The following LRP8 variants were observed in gnomAD, a reference collection of about 807,000 sequenced individuals.
The protein encoded by LRP8 is low-density lipoprotein receptor-related protein 8.
LRP8 carries 46 observed loss-of-function variants against 111.6 expected under a neutral mutation model. The observed-to-expected ratio is 0.41, with a 90% CI of 0.33 to 0.53. LRP8 has a LOEUF of 0.53. LRP8 is among the 20% of genes least tolerant of loss of function. LRP8 has a pLI of 0.20. For missense variants in LRP8, 959 were observed against 1,297.4 expected (o/e 0.74, Z 4.01); for synonymous variants, 464 against 511.2 (o/e 0.91, Z 1.24).
intron 3 of LRP8, 85 bp downstream of exon 3, chr1:53,289,482 C>T: frequency 2.0e-6 from 3 of 1,500,238 alleles, no homozygotes; most frequent in Non-Finnish European, 2.7e-6. Context: ...AACTGGTTAC[C>T]TCTCCTGAGC....
At chr1:53,315,580 A>G (rs1454543904) in intron 2 of LRP8, among the ~76,000 whole-genome samples, 10 of 152,172 alleles carry the variant, frequency 6.6e-5, no homozygotes, top group Non-Finnish European at 1.5e-4. Flanking sequence ...GCGGCCTGGT[A>G]GGGCCCTGCT....
intron 2 of LRP8, among the ~76,000 whole-genome samples, chr1:53,312,902 CA>C (rs1653268472): frequency 6.6e-6 from 1 of 152,200 alleles, no homozygotes; most frequent in Non-Finnish European, 1.5e-5. Flanking sequence ...AAGCACATGG[CA>C]ATGCTGACGT....
Position 53,279,913 on chromosome 1 carries a change from T to C in LRP8, c.496+674A>G, listed in dbSNP as rs898335741. ...CCCCTCGAATTGAAAAAGTGAGGCC[T>C]GGCCATGCTCCCCAATGGCCCAGGC... On this transcript the variant is annotated intron_variant, in intron 4 of 18. Coordinates refer to ENST00000306052, the MANE Select transcript of LRP8 (RefSeq NM_004631.5). The surrounding 1 kb of genome is among the most constrained non-coding windows in gnomAD (Gnocchi z 4.4). Among the ~76,000 whole-genome samples, 1 of 152,224 alleles carries C rather than the reference T, an allele frequency of 6.6e-6. No homozygotes were observed.
intron 18 of LRP8, among the ~76,000 whole-genome samples, chr1:53,247,277 C>T (rs958332749): frequency 2.6e-5 from 4 of 152,198 alleles, no homozygotes; most frequent in African/African-American, 9.7e-5. Flanking sequence ...AGTGGCTGAA[C>T]TAAAATTTGA....
In LRP8 at chr1:53,255,193, A is replaced by T; in HGVS notation, c.2435-8T>A. On this transcript the variant is annotated splice_region_variant and splice_polypyrimidine_tract_variant and intron_variant, in intron 15 of 18. Coordinates refer to ENST00000306052, the MANE Select transcript of LRP8 (RefSeq NM_004631.5). ...TACTGTCTTCATTTGCATCTGCAAA[A>T]CACAAACATTTGCAGAATGATGCTC... 6.2e-7 allele frequency: 1 copy of T among 1,612,646 alleles called. No individual in the cohort carries two copies. Among genetic ancestry groups the T allele is most frequent in the Non-Finnish European group, 8.5e-7 (1 of 1,179,482 alleles).
chr1:53,276,580 C>T (rs1346022143), intron 5 of LRP8, 112 bp downstream of exon 5: 1 of 829,626 alleles, frequency 1.2e-6, no homozygotes, highest in Non-Finnish European at 1.7e-6. Flanking sequence ...GTAGTAAACC[C>T]GGGTAATGTA....
At position 53,258,387 on chromosome 1, in the gene LRP8, G is replaced by A; in HGVS notation, c.2141C>T (p.Ser714Phe). Reference sequence around the variant, plus strand: ...AGGACAGGCACATGTGTACTTGGGAGAGTGGCTGGAGATCTGAGGAGCAGG... The same window carrying A: ...AGGACAGGCACATGTGTACTTGGGAAAGTGGCTGGAGATCTGAGGAGCAGG... The part of the protein sequence containing the change: ...CLPAPQISSH[S>F]PKYTCACPDT... Residue 714 changes from serine (S) to phenylalanine (F), a missense_variant, in exon 14 of 19, where the codon TCT (serine) becomes TTT (phenylalanine). Around this residue, in one of 3 missense-constraint regions of LRP8, gnomAD observed 819 missense variants for 1,097.6 expected, o/e 0.75. Coordinates refer to ENST00000306052, the MANE Select transcript of LRP8 (RefSeq NM_004631.5). 6.2e-7 allele frequency: 1 copy of A among 1,614,152 alleles called. No homozygotes were observed. The highest frequency in any genetic ancestry group is 2.2e-5 in the East Asian group (1 of 44,878).
rs1479937956 is a variant in LRP8, at chr1:53,293,900, AC to A, written c.245-4212del. On this transcript the variant is annotated intron_variant, in intron 2 of 18. Coordinates refer to ENST00000306052, the MANE Select transcript of LRP8 (RefSeq NM_004631.5). The surrounding 1 kb of genome is among the most constrained non-coding windows in gnomAD (Gnocchi z 4.9). ...TGTGGCTTTCCCATGCAGCTTTGTC[AC>A]AAGGACAAAAGGCAAAAAGACTCTT... Among the ~76,000 whole-genome samples the A allele has an allele frequency of 2.0e-5, 3 of 152,228 alleles. No individual in the cohort carries two copies. The highest frequency in any genetic ancestry group is 7.2e-5 in the African/African-American group (3 of 41,460).
intron 6 of LRP8, chr1:53,272,603 C>T (rs889674247): frequency 4.0e-5 from 51 of 1,289,914 alleles, no homozygotes; most frequent in Non-Finnish European, 4.3e-5. Flanking sequence ...AACCCCTTTA[C>T]CCCTGGGCCT....
chr1:53,264,070 C>G, intron 10 of LRP8, 99 bp downstream of exon 10: 1 of 1,193,702 alleles, frequency 8.4e-7, no homozygotes, highest in African/African-American at 1.5e-5. Context: ...GTCTGAGTGG[C>G]CCAGAGCTTT....
At chr1:53,251,989 CCA>C (rs1645911770) in intron 16 of LRP8, among the ~76,000 whole-genome samples, 1 of 150,210 alleles carries the variant, frequency 6.7e-6, no homozygotes, top group Non-Finnish European at 1.5e-5. Context: ...CTGCAGTGAG[CCA>C]CAATCATGCC....
At position 53,327,001 on chromosome 1, in the gene LRP8, G is replaced by A. The variant is rs535931085; in HGVS notation, c.125-9C>T. The A allele has an allele frequency of 1.2e-3, 1,890 of 1,611,870 alleles. 26 individuals carry two copies. The South Asian group carries it at 0.02, about 17-fold the overall frequency. On this transcript the variant is annotated splice_polypyrimidine_tract_variant and intron_variant, in intron 1 of 18. Transcript: ENST00000306052. ...GCAATCCTTGGCCGGCCCTGCGAGG[G>A]GGAGGGAGCGTGAGCTGGATCAGCG...
rs1326054441 is a variant in LRP8, at chr1:53,294,403, C to A, written c.245-4714G>T. On this transcript the variant is annotated intron_variant, in intron 2 of 18. Transcript: ENST00000306052. This position sits in a 1 kb window ranked among gnomAD's most constrained non-coding sequence, Gnocchi z 4.1. ...TGCTATTTATAACAAGAACACGGGC[C>A]AAGGAAAGTGCCAGACAGTCCATGG... is the stretch of plus-strand genomic sequence containing the variant. 6.6e-6 allele frequency among the ~76,000 whole-genome samples: 1 copy of A among 152,148 alleles called. No individual in the cohort carries two copies. The highest frequency in any genetic ancestry group is 2.4e-5 in the African/African-American group (1 of 41,428).
At chr1:53,268,375 T>TG (rs1403274126) in intron 8 of LRP8, 3 of 152,212 alleles carry the variant, frequency 2.0e-5, no homozygotes, top group Non-Finnish European at 4.4e-5. Flanking sequence ...TGTATATGCA[T>TG]GGGTAGTTGC....
chr1:53,289,576 C>G lies in LRP8; in HGVS notation c.358G>C (p.Ala120Pro), dbSNP rs768032939. Residue 120 changes from alanine (A) to proline (P), a missense_variant, in exon 3 of 19, where the codon GCC becomes CCC. Transcript: ENST00000306052. Reference protein sequence around the residue: ...ECPDGSDESEATCTKQVCPAE... With the variant: ...ECPDGSDESEPTCTKQVCPAE... ...GAGGGGCAGGACTCACTGCAAGTGG[C>G]CTCGGACTCATCGGAGCCATCAGGA... is the stretch of plus-strand genomic sequence containing the variant. 1.2e-6 allele frequency: 2 copies of G among 1,602,472 alleles called. No homozygotes were observed. The highest frequency in any genetic ancestry group is 2.7e-5 in the African/African-American group (2 of 74,844).
chr1:53,317,473 G>A lies in LRP8; in HGVS notation c.244+9400C>T, dbSNP rs963484699. ...TGGCTCCGACAGTCCCTCCCAGCCC[G>A]AGGAGCTGCTGTTCTCTCAGGCAGC... is the stretch of plus-strand genomic sequence containing the variant. On this transcript the variant is annotated intron_variant, in intron 2 of 18. Coordinates refer to ENST00000306052, the MANE Select transcript of LRP8 (RefSeq NM_004631.5). The surrounding 1 kb of genome is among the most constrained non-coding windows in gnomAD (Gnocchi z 4.9). Among the ~76,000 whole-genome samples, 8 of 152,188 alleles carry A rather than the reference G, an allele frequency of 5.3e-5. No individual in the cohort carries two copies. The highest frequency in any genetic ancestry group is 2.1e-4 in the South Asian group (1 of 4,826).
chr1:53,289,209 C>T (rs1168822735), intron 3 of LRP8: 1 of 194,030 alleles, frequency 5.2e-6, no homozygotes, highest in Non-Finnish European at 1.1e-5. Flanking sequence ...ACGATAAAGG[C>T]TTAAGAAGCA....
chr1:53,250,745 T>C lies in LRP8; in HGVS notation c.2621A>G (p.Asp874Gly). The change falls in exon 17 of 19, where the codon GAC becomes GGC. Residue 874 changes from aspartate to glycine, a missense_variant. Around this residue, in one of 3 missense-constraint regions of LRP8, gnomAD observed 819 missense variants for 1,097.6 expected, o/e 0.75. Coordinates refer to ENST00000306052, the MANE Select transcript of LRP8 (RefSeq NM_004631.5). This position sits in a 1 kb window ranked among gnomAD's most constrained non-coding sequence, Gnocchi z 4.6. ...TCTCCCTATATGGAGCTCATCTTCG[T>C]CTTCTTCTTCTGTTGTTTTCCTGTA... ...PVYRKTTEEE[D>G]EDELHIGRTA... The C allele has an allele frequency of 6.2e-7, 1 of 1,613,894 alleles. No homozygotes were observed. Among genetic ancestry groups the C allele is most frequent in the Non-Finnish European group, 8.5e-7 (1 of 1,179,808 alleles).
chr1:53,304,909 C>T (rs1651661158), intron 2 of LRP8: 1 of 152,426 alleles, frequency 6.6e-6, no homozygotes, highest in Non-Finnish European at 1.5e-5. Flanking sequence ...ACACCGGCCA[C>T]TTCTCAGAGC....
Sources: gnomAD v4.1 joint callset for allele counts (sites outside exome capture counted in the v4.1 genomes callset) on GRCh38, gnomAD v4.1.1 for gene constraint, gnomAD v4.1.1 regional missense constraint, Gnocchi (gnomAD v3.1) non-coding constraint, MANE v1.5 for transcripts, NCBI Gene and HGNC (gene_info 2026-07-23, HGNC 2026-07-21) for gene names.